Variants in MAP4K3 observed in about 807,000 individuals in gnomAD.
The protein encoded by MAP4K3 is mitogen-activated protein kinase kinase kinase kinase 3.
MAP4K3 carries 94 observed loss-of-function variants against 143.5 expected under a neutral mutation model. The ratio of observed to expected loss-of-function variants is 0.65; its 90% CI spans 0.55 to 0.78. The LOEUF (loss-of-function observed/expected upper bound fraction) is 0.78. Ranked by LOEUF, MAP4K3 falls within the 30% of genes least tolerant of loss-of-function variation. The pLI, the probability that MAP4K3 is intolerant of heterozygous loss-of-function variation, is 0.00. For synonymous variants in MAP4K3, 416 were observed against 347.2 expected (o/e 1.20, Z -2.20); for missense variants, 1,077 against 1,068.1 (o/e 1.01, Z -0.12).
chr2:39,431,959 G>T (rs1382216644), intron 1 of MAP4K3, among the ~76,000 whole-genome samples: 1 of 152,014 alleles, frequency 6.6e-6, no homozygotes, highest in East Asian at 1.9e-4. Context: ...GGTCGGTTGT[G>T]CAATTATGGA....
At chr2:39,251,918 A>T in intron 32 of MAP4K3, 33 bp from the exon 33 acceptor site, 1 of 1,521,772 alleles carries the variant, frequency 6.6e-7, no homozygotes, top group African/African-American at 1.4e-5. Flanking sequence ...TAATTTCTGA[A>T]ATTAAAGACA....
intron 29 of MAP4K3, among the ~76,000 whole-genome samples, chr2:39,259,026 C>G (rs1323814101): frequency 6.9e-6 from 1 of 145,312 alleles, no homozygotes; most frequent in African/African-American, 2.5e-5. Context: ...TTTTTTTGCG[C>G]CTGCTGCTCA....
chr2:39,381,577 C>T (rs540008101), intron 1 of MAP4K3, among the ~76,000 whole-genome samples: 1 of 146,576 alleles, frequency 6.8e-6, no homozygotes, highest in South Asian at 2.1e-4. Context: ...ATACTTTTTT[C>T]CTATGATTTT....
chr2:39,335,568 ACTTT>A (rs1211015683), intron 6 of MAP4K3, among the ~76,000 whole-genome samples: 1 of 152,120 alleles, frequency 6.6e-6, no homozygotes, highest in Non-Finnish European at 1.5e-5. Flanking sequence ...ATGGCCTCAC[ACTTT>A]CTAACTTCTG....
In MAP4K3 at chr2:39,287,535, T is replaced by C. The variant is rs187327850; in HGVS notation, c.1475-571A>G. On this transcript the variant is annotated intron_variant, in intron 20 of 33. Coordinates refer to ENST00000263881, the MANE Select transcript of MAP4K3 (RefSeq NM_003618.4). The stretch of plus-strand genomic sequence containing the variant: ...TCAGGCTGGTCTCAAACTCTTGACC[T>C]CAGGTGATCCACCTGCCTCGGCCTC... Among the ~76,000 whole-genome samples, 251 of 152,204 alleles carry C rather than the reference T, an allele frequency of 1.6e-3. 1 individual carries two copies. The highest frequency in any genetic ancestry group is 5.9e-3 in the African/African-American group (243 of 41,528).
chr2:39,301,721 T>C (rs952521962), intron 15 of MAP4K3, among the ~76,000 whole-genome samples: 1 of 152,004 alleles, frequency 6.6e-6, no homozygotes, highest in South Asian at 2.1e-4. Context: ...GCGGTAATAA[T>C]GATTAAAAAT....
chr2:39,356,152 A>G, intron 3 of MAP4K3, 97 bp downstream of exon 3: 1 of 703,530 alleles, frequency 1.4e-6, no homozygotes, highest in Non-Finnish European at 2.4e-6. Flanking sequence ...GCATGAAGAA[A>G]AACTACAAAA....
intron 2 of MAP4K3, among the ~76,000 whole-genome samples, chr2:39,363,825 T>A (rs1665839212): frequency 6.6e-6 from 1 of 151,768 alleles, no homozygotes; most frequent in South Asian, 2.1e-4. Flanking sequence ...ACAGTAATCA[T>A]ACTGGGGATT....
intron 28 of MAP4K3, among the ~76,000 whole-genome samples, chr2:39,262,426 C>G (rs1040301952): frequency 6.6e-6 from 1 of 152,098 alleles, no homozygotes; most frequent in African/African-American, 2.4e-5. Context: ...TTGATAAAAT[C>G]TGTCATTTTT....
intron 21 of MAP4K3, among the ~76,000 whole-genome samples, chr2:39,285,858 T>C (rs1027512110): frequency 6.6e-6 from 1 of 152,218 alleles, no homozygotes; most frequent in Non-Finnish European, 1.5e-5. Flanking sequence ...TCTATGATGA[T>C]AGTTGAATGT....
intron 3 of MAP4K3, among the ~76,000 whole-genome samples, chr2:39,355,444 TC>T (rs1665585244): frequency 6.9e-6 from 1 of 145,242 alleles, no homozygotes; most frequent in African/African-American, 2.6e-5. Flanking sequence ...GGTGGGAGGA[TC>T]ACCTGAGCCT....
intron 3 of MAP4K3, among the ~76,000 whole-genome samples, chr2:39,351,997 T>C (rs952170495): frequency 6.6e-6 from 1 of 152,202 alleles, no homozygotes; most frequent in Non-Finnish European, 1.5e-5. Flanking sequence ...CTATTCTAAA[T>C]AGTTTTTACT....
Position 39,288,292 on chromosome 2 carries a change from T to C in MAP4K3, c.1315-12A>G, listed in dbSNP as rs777086616. 2.2e-5 allele frequency: 35 copies of C among 1,609,642 alleles called. No individual in the cohort carries two copies. Among genetic ancestry groups the C allele is most frequent in the South Asian group, 1.7e-4 (15 of 90,894 alleles). On this transcript the variant is annotated splice_polypyrimidine_tract_variant and intron_variant, in intron 19 of 33. Transcript: ENST00000263881. ...AAGATAGACTTAGGCTGAAATAATA[T>C]AGAAAAAGAGACCAACAATGAAACA...
rs781380385 is a variant in MAP4K3 at position 39,286,893 on chromosome 2, T to C, written c.1546A>G (p.Arg516Gly). The change falls in exon 21 of 34, where the codon AGA (arginine) becomes GGA (glycine). Residue 516 changes from arginine to glycine, a missense_variant. Arg to Gly is a moderately radical substitution (Grantham distance 125, BLOSUM62 -2). This residue lies in a region of MAP4K3 where 864 missense variants were observed against 801.2 expected (regional missense o/e 1.08). Transcript: ENST00000263881. ...GSLCQQQNEH[R>G]GTNLSRKEKK... Reference sequence around the variant, plus strand: ...TCTTTTCTTGAAAGGTTTGTGCCTCTATGTTCATTCTGTTGTTGACATAAT... The same window carrying C: ...TCTTTTCTTGAAAGGTTTGTGCCTCCATGTTCATTCTGTTGTTGACATAAT... 3.7e-6 allele frequency: 6 copies of C among 1,610,692 alleles called. No homozygotes were observed. The Admixed American group carries it at 5.0e-5, about 13-fold the overall frequency.
Position 39,432,269 on chromosome 2 carries a change from G to C in MAP4K3, c.96+4623C>G, listed in dbSNP as rs370780787. On this transcript the variant is annotated intron_variant, in intron 1 of 33. Transcript: ENST00000263881. ...CGTTTCACCAATAAATACATATACA[G>C]ATCAAAGGCTGGAGGTAAGTACTTC... Among the ~76,000 whole-genome samples, 50 of 152,278 alleles carry C rather than the reference G, an allele frequency of 3.3e-4. No homozygotes were observed. The South Asian group carries it at 0.01, about 31-fold the overall frequency.
At chr2:39,334,001 T>TGTGTG (rs759958395) in intron 6 of MAP4K3, among the ~76,000 whole-genome samples, 2 of 79,846 alleles carry the variant, frequency 2.5e-5, no homozygotes, top group Non-Finnish European at 6.6e-5. Flanking sequence ...GTGTGTGTGT[T>TGTGTG]TTTAAAAGAA....
At chr2:39,368,358 C>T (rs938569502) in intron 2 of MAP4K3, among the ~76,000 whole-genome samples, 3 of 152,088 alleles carry the variant, frequency 2.0e-5, no homozygotes, top group Non-Finnish European at 4.4e-5. Context: ...CCAACAAGAA[C>T]AATGACATAT....
chr2:39,300,898 T>C (rs1682477642), intron 15 of MAP4K3, among the ~76,000 whole-genome samples: 1 of 152,182 alleles, frequency 6.6e-6, no homozygotes, highest in Non-Finnish European at 1.5e-5. Flanking sequence ...CTATCTTCTT[T>C]CCTTACAGCC....
chr2:39,409,001 C>A (rs1667167075), intron 1 of MAP4K3, among the ~76,000 whole-genome samples: 1 of 152,138 alleles, frequency 6.6e-6, no homozygotes, highest in Admixed American at 6.6e-5. Flanking sequence ...ACAGAAATTA[C>A]AATGTATTTC....
Sources: allele counts gnomAD v4.1 joint callset (sites outside exome capture counted in the v4.1 genomes callset), GRCh38; gene constraint gnomAD v4.1.1; regional missense constraint gnomAD v4.1.1; transcripts MANE v1.5; gene names NCBI Gene and HGNC (gene_info 2026-07-23, HGNC 2026-07-21).